Variants in OPRM1 observed in about 807,000 individuals in gnomAD.
OPRM1 encodes opioid receptor mu 1, also known as mu-type opioid receptor.
Under a neutral mutation model 31.8 loss-of-function variants are expected in OPRM1, and 27 were observed. The ratio of observed to expected loss-of-function variants is 0.85; its 90% confidence interval spans 0.63 to 1.17. The LOEUF (loss-of-function observed/expected upper bound fraction) is 1.17, where lower values mean the gene tolerates loss of function less well. Among genes scored for constraint, OPRM1 ranks in the 50% most tolerant of loss-of-function variants. The pLI, the probability that OPRM1 is intolerant of heterozygous loss-of-function variation, is 0.00. For missense variants in OPRM1, 536 were observed against 511.1 expected (o/e 1.05, Z -0.47); for synonymous variants, 196 against 189.9 (o/e 1.03, Z -0.26).
At chr6:154,107,914 A>G (rs1307806530) in intron 3 of OPRM1, 1 of 660,152 alleles carries the variant, frequency 1.5e-6, no homozygotes, top group Non-Finnish European at 2.7e-6. Flanking sequence ...ATTATTTTTC[A>G]CATTAATCAA....
intron 3 of OPRM1, among the ~76,000 whole-genome samples, chr6:154,146,878 G>A (rs567072308): frequency 1.3e-5 from 2 of 152,264 alleles, no homozygotes; most frequent in East Asian, 3.9e-4. Flanking sequence ...GGGAATCTCA[G>A]AAGGGGCATT....
intron 3 of OPRM1, among the ~76,000 whole-genome samples, chr6:154,243,630 C>T (rs1304797085): frequency 6.6e-6 from 1 of 152,224 alleles, no homozygotes; most frequent in Non-Finnish European, 1.5e-5. Flanking sequence ...CCCTAAATTT[C>T]ATTTCCAGAG....
chr6:154,244,314 G>GTGTT (rs1020252080), intron 3 of OPRM1, among the ~76,000 whole-genome samples: 4 of 151,506 alleles, frequency 2.6e-5, no homozygotes, highest in Admixed American at 2.6e-4. Context: ...GTGTGTGTGT[G>GTGTT]TGTGTGTGTG....
At chr6:154,215,868 A>G (rs1351741110) in intron 3 of OPRM1, among the ~76,000 whole-genome samples, 1 of 152,208 alleles carries the variant, frequency 6.6e-6, no homozygotes, top group Non-Finnish European at 1.5e-5. Context: ...ACAATATGCG[A>G]AAAAAATTTC....
At chr6:154,113,172 G>A (rs1025324145) in intron 3 of OPRM1, among the ~76,000 whole-genome samples, 1 of 152,154 alleles carries the variant, frequency 6.6e-6, no homozygotes, top group African/African-American at 2.4e-5. Flanking sequence ...GATCTTCTAT[G>A]GTTTGTTCTG....
At position 154,152,353 on chromosome 6, in the gene OPRM1, AAAGAAAG is replaced by A. The variant is rs1475366240; in HGVS notation, c.1164+60884_1164+60890del. Among the ~76,000 whole-genome samples the A allele has an allele frequency of 4.8e-5, 7 of 145,514 alleles. 1 individual carries two copies. The highest frequency in any genetic ancestry group is 4.7e-4 in the Admixed American group (7 of 14,810). Reference sequence around the variant, plus strand: ...AAAGAAAGAAAGAAAGAAAGGAAAGAAAGAAAGAAAGAAAGAAAGAAAGAAAGAAAGA... The same window carrying A: ...AAAGAAAGAAAGAAAGAAAGGAAAGAAAAGAAAGAAAGAAAGAAAGAAAGA... On this transcript the variant is annotated intron_variant, in intron 3 of 3. Transcript: ENST00000337049.
At chr6:154,149,312 T>G (rs1346583006) in intron 3 of OPRM1, among the ~76,000 whole-genome samples, 1 of 152,056 alleles carries the variant, frequency 6.6e-6, no homozygotes, top group Non-Finnish European at 1.5e-5. Context: ...CATCAGATCT[T>G]GTGAGAACTC....
At chr6:154,214,259 C>A (rs774421227) in intron 3 of OPRM1, 3 of 1,610,914 alleles carry the variant, frequency 1.9e-6, no homozygotes, top group Non-Finnish European at 1.7e-6. Context: ...TACAGCCGAT[C>A]CAAGTTTATT....
chr6:154,150,375 T>A (rs1562509410), intron 3 of OPRM1, among the ~76,000 whole-genome samples: 1 of 152,210 alleles, frequency 6.6e-6, no homozygotes, highest in Non-Finnish European at 1.5e-5. Context: ...TGCCAGTGAG[T>A]CAGAAGGTTC....
intron 1 of OPRM1, among the ~76,000 whole-genome samples, chr6:154,046,438 G>A (rs934661611): frequency 6.6e-6 from 1 of 151,878 alleles, no homozygotes; most frequent in African/African-American, 2.4e-5. Context: ...ATTATCTGAG[G>A]GTATAAGAAA....
Position 154,121,541 on chromosome 6 carries a change from G to T in OPRM1, c.*2820G>T, listed in dbSNP as rs642489. On this transcript the variant is annotated 3_prime_UTR_variant, in exon 4 of 4. Coordinates refer to ENST00000330432, the MANE Select transcript of OPRM1 (RefSeq NM_000914.5). ...GACACGGCTATGAGTAGGTAAGAGA[G>T]CATTCATTCCCTTCAATAATATGAC... Among the ~76,000 whole-genome samples, 29,730 of 152,146 alleles carry T rather than the reference G, an allele frequency of 0.2. 3,210 individuals are homozygous for T. The highest frequency in any genetic ancestry group is 0.25 in the Non-Finnish European group (17,027 of 67,970).
chr6:154,219,024 C>G (rs1361484155), intron 3 of OPRM1: 2 of 152,198 alleles, frequency 1.3e-5, no homozygotes, highest in Non-Finnish European at 2.9e-5. Context: ...TATATCATAT[C>G]TACCCATGCA....
chr6:154,212,307 C>G (rs1380400096), intron 3 of OPRM1, among the ~76,000 whole-genome samples: 1 of 152,220 alleles, frequency 6.6e-6, no homozygotes, highest in Non-Finnish European at 1.5e-5. Flanking sequence ...TCCATGTGCA[C>G]TTTTAATGCA....
intron 3 of OPRM1, chr6:154,246,517 A>G (rs1781058378): frequency 1.4e-6 from 2 of 1,475,514 alleles, no homozygotes; most frequent in Non-Finnish European, 9.1e-7. Context: ...GAACTTTCCC[A>G]TAGGGATCAC....
downstream of OPRM1, among the ~76,000 whole-genome samples, chr6:154,136,803 G>A (rs894480799): frequency 2.0e-5 from 3 of 152,150 alleles, no homozygotes; most frequent in Non-Finnish European, 2.9e-5. Flanking sequence ...GCCAACATGT[G>A]ACTTGCAAAG....
At chr6:154,176,233 A>C (rs941460932) in intron 3 of OPRM1, among the ~76,000 whole-genome samples, 2 of 152,186 alleles carry the variant, frequency 1.3e-5, no homozygotes, top group African/African-American at 4.8e-5. Context: ...ATGGGCAAAA[A>C]CTGGAAGCAT....
rs540045470 is a variant in OPRM1, at chr6:154,217,829, G to A, written c.1165-28864G>A. 3.9e-5 allele frequency among the ~76,000 whole-genome samples: 6 copies of A among 152,088 alleles called. No homozygotes were observed. In the South Asian group the frequency reaches 1.2e-3, roughly 32 times the overall value. ...AATAGGGAAAATATTTTTTTAAAGA[G>A]ACAAAAAAATTGTTTTCACTTGAGT... On this transcript the variant is annotated intron_variant, in intron 3 of 3. Transcript: ENST00000337049.
At chr6:154,184,707 T>C (rs1801186576) in intron 3 of OPRM1, among the ~76,000 whole-genome samples, 1 of 152,180 alleles carries the variant, frequency 6.6e-6, no homozygotes, top group Non-Finnish European at 1.5e-5. Flanking sequence ...ATGGTAATTT[T>C]AGTGATGAAG....
chr6:154,049,388 A>T (rs980321021), intron 1 of OPRM1, among the ~76,000 whole-genome samples: 1 of 152,242 alleles, frequency 6.6e-6, no homozygotes, highest in Non-Finnish European at 1.5e-5. Context: ...ACAGCAGAGC[A>T]TTGCCTTGTT....
Sources: allele counts gnomAD v4.1 joint callset (sites outside exome capture counted in the v4.1 genomes callset), GRCh38; gene constraint gnomAD v4.1.1; transcripts MANE v1.5; gene names NCBI Gene and HGNC (gene_info 2026-07-23, HGNC 2026-07-21).